MINDY4: variants seen among roughly 807,000 people sequenced by gnomAD.
MINDY4 encodes the protein MINDY lysine 48 deubiquitinase 4.
In MINDY4, 68 loss-of-function variants were observed where a neutral mutation model predicts 87.0. That is an observed-to-expected ratio of 0.78 (90% CI 0.64 to 0.96). The LOEUF (loss-of-function observed/expected upper bound fraction) is 0.96, where lower values mean the gene tolerates loss of function less well. Among genes scored for constraint, MINDY4 ranks in the 40% least tolerant of loss-of-function variants. The pLI is 0.00. For missense variants in MINDY4, 919 were observed against 928.2 expected (o/e 0.99, Z 0.13); for synonymous variants, 379 against 363.2 (o/e 1.04, Z -0.50).
At chr7:30,867,589 A>G (rs1789977634) in intron 13 of MINDY4, among the ~76,000 whole-genome samples, 1 of 152,192 alleles carries the variant, frequency 6.6e-6, no homozygotes, top group Non-Finnish European at 1.5e-5. Flanking sequence ...CTGACTTTAG[A>G]GCCCAAGTTC....
chr7:30,827,887 C>T (rs1238873900), intron 5 of MINDY4, among the ~76,000 whole-genome samples: 1 of 152,154 alleles, frequency 6.6e-6, no homozygotes, highest in South Asian at 2.1e-4. Context: ...TATTTCAATG[C>T]CACACTCAAA....
intron 17 of MINDY4, among the ~76,000 whole-genome samples, 192 bp from the exon 18 acceptor site, chr7:30,891,765 G>T (rs573879988): frequency 4.6e-5 from 7 of 152,316 alleles, no homozygotes; most frequent in South Asian, 2.1e-4. Context: ...GGGGTCCTAG[G>T]TGTATTTGTG....
intron 5 of MINDY4, among the ~76,000 whole-genome samples, chr7:30,796,008 T>C (rs755579208): frequency 3.3e-5 from 5 of 152,154 alleles, no homozygotes; most frequent in Admixed American, 1.3e-4. Context: ...AATCCCCCCT[T>C]GCCATGTAAC....
At chr7:30,786,171 G>A in intron 4 of MINDY4, 179 bp downstream of exon 4, 1 of 799,640 alleles carries the variant, frequency 1.3e-6, no homozygotes, top group Non-Finnish European at 1.9e-6. Context: ...ATGACACGTG[G>A]GGCCTTGAGC....
At chr7:30,865,518 G>A (rs576846545) in intron 13 of MINDY4, among the ~76,000 whole-genome samples, 1 of 152,210 alleles carries the variant, frequency 6.6e-6, no homozygotes, top group Admixed American at 6.5e-5. Flanking sequence ...CCCGTCCCTG[G>A]GAGCCACCTG....
intron 5 of MINDY4, among the ~76,000 whole-genome samples, chr7:30,822,654 T>TA (rs1788376141): frequency 3.3e-5 from 5 of 151,858 alleles, no homozygotes; most frequent in African/African-American, 1.2e-4. Flanking sequence ...TTTATTTATT[T>TA]TCAGACAAGG....
intron 15 of MINDY4, among the ~76,000 whole-genome samples, chr7:30,879,036 A>G (rs1562564784): frequency 6.6e-6 from 1 of 152,170 alleles, no homozygotes; most frequent in Non-Finnish European, 1.5e-5. Flanking sequence ...AAATATACAC[A>G]CAATCATATC....
At chr7:30,827,024 A>G (rs965895558) in intron 5 of MINDY4, among the ~76,000 whole-genome samples, 4 of 152,208 alleles carry the variant, frequency 2.6e-5, no homozygotes, top group African/African-American at 9.6e-5. Flanking sequence ...AGCCATATAA[A>G]GATGTCAGGG....
Position 30,778,479 on chromosome 7 carries a change from T to C in MINDY4, c.111T>C (p.Ser37=), listed in dbSNP as rs1408779072. Residue 37 remains serine (S), a synonymous_variant, in exon 2 of 18, where the codon TCT becomes TCC. Coordinates refer to ENST00000265299, the MANE Select transcript of MINDY4 (RefSeq NM_032222.3). ...CVTMDQERPR[S]DLSINNRNDL... is the part of the protein sequence containing the mutation. ...CCATGGACCAGGAACGCCCACGCTC[T>C]GACCTCAGCATAAACAACAGAAATG... 5 of 1,614,078 alleles carry C rather than the reference T, an allele frequency of 3.1e-6. No individual in the cohort carries two copies. In the Admixed American group the frequency reaches 8.3e-5, roughly 27 times the overall value.
intron 5 of MINDY4, among the ~76,000 whole-genome samples, chr7:30,827,629 G>T (rs1421750815): frequency 6.6e-6 from 1 of 152,184 alleles, no homozygotes; most frequent in African/African-American, 2.4e-5. Context: ...AGTTGAGGAG[G>T]ACACATGGAG....
chr7:30,865,926 C>A (rs1038890936), intron 13 of MINDY4, among the ~76,000 whole-genome samples: 2 of 152,192 alleles, frequency 1.3e-5, no homozygotes, highest in Admixed American at 1.3e-4. Context: ...AGAGAGGTGG[C>A]AAATGAGGCC....
chr7:30,831,039 C>T (rs1788685652), intron 6 of MINDY4, among the ~76,000 whole-genome samples: 1 of 152,066 alleles, frequency 6.6e-6, no homozygotes, highest in Non-Finnish European at 1.5e-5. Context: ...TAGGGCTGCG[C>T]ATTTGGGGGC....
intron 12 of MINDY4, among the ~76,000 whole-genome samples, chr7:30,854,485 C>T (rs962452425): frequency 1.1e-4 from 17 of 152,072 alleles, no homozygotes; most frequent in Admixed American, 3.3e-4. Flanking sequence ...CCAGCAGACC[C>T]GCGACCTCTG....
At chr7:30,774,927 G>A (rs2097045718) in intron 1 of MINDY4, among the ~76,000 whole-genome samples, 1 of 151,890 alleles carries the variant, frequency 6.6e-6, no homozygotes, top group African/African-American at 2.4e-5. Context: ...TCTATATGCT[G>A]ACAATTCCCA....
intron 5 of MINDY4, among the ~76,000 whole-genome samples, chr7:30,793,328 C>CT (rs1352145633): frequency 6.7e-6 from 1 of 149,506 alleles, no homozygotes; most frequent in Non-Finnish European, 1.5e-5. Context: ...TTTATATTTT[C>CT]TTTTTACTCG....
chr7:30,885,135 G>C (rs546195795), intron 17 of MINDY4, among the ~76,000 whole-genome samples: 3 of 152,352 alleles, frequency 2.0e-5, no homozygotes, highest in Admixed American at 6.5e-5. Context: ...TAGCACACAG[G>C]GGCTAAGAGG....
At chr7:30,776,983 TTCC>T (rs1401047751) in intron 1 of MINDY4, among the ~76,000 whole-genome samples, 2 of 150,910 alleles carry the variant, frequency 1.3e-5, no homozygotes, top group African/African-American at 4.9e-5. Flanking sequence ...TTTCTTTTCT[TTCC>T]TTTTCTTCTT....
In MINDY4 at chr7:30,841,636, A is replaced by T. The variant is rs549109651; in HGVS notation, c.1445+788A>T. ...GAACTTCTGGCAATTGGCCTTTTTT[A>T]AAAAAAAAAAATTTAGTTAAAATAT... On this transcript the variant is annotated intron_variant, in intron 9 of 17. Transcript: ENST00000265299. 4.0e-3 allele frequency among the ~76,000 whole-genome samples: 542 copies of T among 136,494 alleles called. 5 individuals carry two copies. The highest frequency in any genetic ancestry group is 0.012 in the African/African-American group (431 of 35,458). 89.5% of individuals were successfully genotyped at this position (136,494 alleles called of 152,430 possible).
Position 30,882,230 on chromosome 7 carries a change from G to A in MINDY4, c.2021G>A (p.Ser674Asn), listed in dbSNP as rs1460975328. 6.2e-7 allele frequency: 1 copy of A among 1,613,868 alleles called. No homozygotes were observed. The highest frequency in any genetic ancestry group is 8.5e-7 in the Non-Finnish European group (1 of 1,179,790). ...AGGTTCCCCATCTGGGTGGTTTGCAGTGAGAGCCACTTCAGCATCCTCTTT... is the reference window on the plus strand; with the variant it reads ...AGGTTCCCCATCTGGGTGGTTTGCAATGAGAGCCACTTCAGCATCCTCTTT... ...TPRFPIWVVCSESHFSILFSL... is the reference protein window; with the variant it reads ...TPRFPIWVVCNESHFSILFSL... Residue 674 changes from serine to asparagine, a missense_variant, in exon 16 of 18, where the codon AGT becomes AAT. Ser to Asn is a conservative substitution (Grantham distance 46). Transcript: ENST00000265299.
Sources: gnomAD v4.1 joint callset for allele counts (sites outside exome capture counted in the v4.1 genomes callset) on GRCh38, gnomAD v4.1.1 for gene constraint, MANE v1.5 for transcripts, NCBI Gene and HGNC (gene_info 2026-07-23, HGNC 2026-07-21) for gene names.